The following CCDC158 variants were observed in gnomAD, a reference collection of about 807,000 sequenced individuals.
The protein encoded by CCDC158 is coiled-coil domain-containing protein 158.
In CCDC158, 116 loss-of-function variants were observed where a neutral mutation model predicts 138.6. The observed-to-expected ratio is 0.84, with a 90% confidence interval of 0.72 to 0.98. The LOEUF is 0.98. Ranked by LOEUF, CCDC158 falls within the 50% of genes least tolerant of loss-of-function variation. CCDC158 has a pLI of 0.00. For synonymous variants in CCDC158, 436 were observed against 442.4 expected, an observed-to-expected ratio of 0.99 and a Z score of 0.18; for missense variants, 1,265 against 1,306.1, an observed-to-expected ratio of 0.97 and a Z score of 0.48.
Position 76,410,684 on chromosome 4 carries a change from T to C in CCDC158, c.-74+1406A>G, listed in dbSNP as rs1304922500. Among the ~76,000 whole-genome samples, 3 of 152,190 alleles carry C rather than the reference T, an allele frequency of 2.0e-5. No homozygotes were observed. In the East Asian group the frequency reaches 5.8e-4, roughly 29 times the overall value. ...ATGTTTTCCTTGGGAAATTCTGAGG[T>C]ACCTCGGGACTGATTCAAAGAAACA... On this transcript the variant is annotated intron_variant, in intron 2 of 24. Coordinates refer to ENST00000682701, the MANE Select transcript of CCDC158 (RefSeq NM_001394954.1).
chr4:76,313,402 T>C (rs988943249), intron 24 of CCDC158, among the ~76,000 whole-genome samples, 156 bp from the exon 25 acceptor site: 4 of 152,112 alleles, frequency 2.6e-5, no homozygotes, highest in South Asian at 2.1e-4. Flanking sequence ...TTTGAAAAGG[T>C]TGGTGTTATG....
chr4:76,398,382 C>A (rs555699180), intron 3 of CCDC158, among the ~76,000 whole-genome samples: 8 of 152,036 alleles, frequency 5.3e-5, no homozygotes, highest in African/African-American at 2.4e-5. Flanking sequence ...GTATATATCA[C>A]TTGGCCGGGC....
chr4:76,389,808 A>T (rs781695010), intron 4 of CCDC158, among the ~76,000 whole-genome samples: 3 of 152,194 alleles, frequency 2.0e-5, no homozygotes, highest in Non-Finnish European at 2.9e-5. Flanking sequence ...GTGGCATGAC[A>T]TATTTAAAGT....
chr4:76,367,219 A>G (rs1347461042), intron 12 of CCDC158, 75 bp downstream of exon 12: 1 of 1,496,596 alleles, frequency 6.7e-7, no homozygotes, highest in Non-Finnish European at 9.0e-7. Context: ...GATACCAAGA[A>G]CCACTTTTCA....
Position 76,383,917 on chromosome 4 carries a change from C to A in CCDC158, c.726+171G>T, listed in dbSNP as rs977490112. Among the ~76,000 whole-genome samples the A allele has an allele frequency of 2.0e-5, 3 of 152,076 alleles. No individual in the cohort carries two copies. The East Asian group carries it at 5.8e-4, about 29-fold the overall frequency. ...TTGTCTATACTCTCATGAAGCTATA[C>A]GGTAAACCAAGCTAGTTCCTATTAT... On this transcript the variant is annotated intron_variant, in intron 6 of 24. Transcript: ENST00000682701.
At chr4:76,416,070 T>C (rs1417490372) in intron 1 of CCDC158, among the ~76,000 whole-genome samples, 3 of 152,186 alleles carry the variant, frequency 2.0e-5, no homozygotes, top group African/African-American at 7.2e-5. Flanking sequence ...GCCTTTTAGA[T>C]AGCAGTAGCA....
At chr4:76,333,108 G>A (rs1220278252) in intron 19 of CCDC158, among the ~76,000 whole-genome samples, 1 of 152,136 alleles carries the variant, frequency 6.6e-6, no homozygotes, top group African/African-American at 2.4e-5. Flanking sequence ...TTCAGATAAT[G>A]TAATGTTATG....
At chr4:76,387,480 A>G (rs1209155097) in intron 4 of CCDC158, among the ~76,000 whole-genome samples, 5 of 152,018 alleles carry the variant, frequency 3.3e-5, no homozygotes, top group Admixed American at 6.5e-5. Context: ...TGAGCTCAGG[A>G]GTTCGAGACC....
At chr4:76,388,029 A>T (rs2109795235) in intron 4 of CCDC158, among the ~76,000 whole-genome samples, 1 of 152,054 alleles carries the variant, frequency 6.6e-6, no homozygotes, top group South Asian at 2.1e-4. Context: ...TAATAAAAGT[A>T]AACATAATAA....
intron 24 of CCDC158, 88 bp from the exon 25 acceptor site, chr4:76,313,334 T>C: frequency 4.2e-6 from 3 of 722,344 alleles, no homozygotes; most frequent in Non-Finnish European, 6.8e-6. Flanking sequence ...AGCTTGATAG[T>C]ATAGAATAGA....
At chr4:76,344,244 C>G (rs1722329765) in intron 18 of CCDC158, among the ~76,000 whole-genome samples, 1 of 152,160 alleles carries the variant, frequency 6.6e-6, no homozygotes, top group South Asian at 2.1e-4. Context: ...TGAGTGAACT[C>G]TCATTCATAA....
chr4:76,353,153 CT>C lies in CCDC158; in HGVS notation c.2414del (p.Lys805ArgfsTer22). The C allele has an allele frequency of 6.2e-7, 1 of 1,612,848 alleles. No individual in the cohort carries two copies. The highest frequency in any genetic ancestry group is 8.5e-7 in the Non-Finnish European group (1 of 1,179,526). On this transcript the variant is annotated frameshift_variant, in exon 16 of 25. Transcript: ENST00000682701. LOFTEE classifies it high-confidence loss of function. ...LRSQERRLKE[K>X]VTNMEVALDK... The stretch of plus-strand genomic sequence containing the variant: ...CCAGAGCCACTTCCATATTAGTAAC[CT>C]TTTCTTTCAAACGGCGTTCCTGAGA...
At position 76,362,300 on chromosome 4, in the gene CCDC158, T is replaced by G; in HGVS notation, c.1846A>C (p.Lys616Gln). 1 of 1,611,546 alleles carries G rather than the reference T, an allele frequency of 6.2e-7. No homozygotes were observed. The highest frequency in any genetic ancestry group is 8.5e-7 in the Non-Finnish European group (1 of 1,178,794). ...LKELKILKDKKDAKIRELEAR... is the reference protein window; with the variant it reads ...LKELKILKDKQDAKIRELEAR... ...TCAAGCTCCCGGATCTTTGCATCTTTTTTATCTTTTAATATCTAAATATAT... is the reference window on the plus strand; with the variant it reads ...TCAAGCTCCCGGATCTTTGCATCTTGTTTATCTTTTAATATCTAAATATAT... The change falls in exon 13 of 25, where the codon AAA becomes CAA. Residue 616 changes from lysine (K) to glutamine (Q), a missense_variant. By Grantham distance (53) the Lys-to-Gln change is moderately conservative (BLOSUM62 1). Transcript: ENST00000682701.
At chr4:76,316,278 G>A (rs1719377584) in intron 24 of CCDC158, among the ~76,000 whole-genome samples, 1 of 152,072 alleles carries the variant, frequency 6.6e-6, no homozygotes, top group Non-Finnish European at 1.5e-5. Context: ...CACAATTTCT[G>A]GAAATGAAAG....
intron 10 of CCDC158, 38 bp from the exon 11 acceptor site, chr4:76,369,661 T>C (rs1468255561): frequency 1.9e-6 from 3 of 1,539,294 alleles, no homozygotes; most frequent in Non-Finnish European, 2.7e-6. Context: ...CTCCCTGCTA[T>C]TAAATAATTA....
At position 76,313,162 on chromosome 4, in the gene CCDC158, GC is replaced by G; in HGVS notation, c.*7del. 1 of 1,581,764 alleles carries G rather than the reference GC, an allele frequency of 6.3e-7. No homozygotes were observed. Among genetic ancestry groups the G allele is most frequent in the Non-Finnish European group, 8.6e-7 (1 of 1,156,276 alleles). On this transcript the variant is annotated 3_prime_UTR_variant, in exon 25 of 25. Transcript: ENST00000682701. ...TCATTCCTCTGTAAAGAATAGGCAA[GC>G]AACGAGTCATTTTAGTAACATTTTT...
At chr4:76,330,258 G>C (rs1025756580) in intron 21 of CCDC158, among the ~76,000 whole-genome samples, 3 of 152,066 alleles carry the variant, frequency 2.0e-5, no homozygotes, top group Non-Finnish European at 4.4e-5. Context: ...GAGCTCCACT[G>C]TTTTCAAGCA....
At chr4:76,348,802 G>C (rs2110162141) in intron 18 of CCDC158, among the ~76,000 whole-genome samples, 1 of 152,200 alleles carries the variant, frequency 6.6e-6, no homozygotes, top group African/African-American at 2.4e-5. Context: ...ATGGGCAAAA[G>C]TGTAAAGATA....
intron 14 of CCDC158, among the ~76,000 whole-genome samples, chr4:76,356,986 C>T (rs1283002783): frequency 6.6e-6 from 1 of 152,118 alleles, no homozygotes; most frequent in African/African-American, 2.4e-5. Context: ...CAATCAAGAA[C>T]TGCCAACTAG....
Sources: gnomAD v4.1 joint callset for allele counts (sites outside exome capture counted in the v4.1 genomes callset) on GRCh38, gnomAD v4.1.1 for gene constraint, MANE v1.5 for transcripts, NCBI Gene and HGNC (gene_info 2026-07-23, HGNC 2026-07-21) for gene names.